EPB41L3: variants seen among roughly 807,000 people sequenced by gnomAD.
The protein encoded by EPB41L3 is erythrocyte membrane protein band 4.1 like 3.
A neutral mutation model predicts 127.1 loss-of-function variants in EPB41L3; 57 were observed. The ratio of observed to expected loss-of-function variants is 0.45; its 90% CI spans 0.36 to 0.56. EPB41L3 has a LOEUF of 0.56. EPB41L3 is among the 20% of genes least tolerant of loss of function. The pLI is 0.00. For missense variants in EPB41L3, 1,273 were observed against 1,372.2 expected (o/e 0.93, Z 1.14); for synonymous variants, 572 against 549.5 (o/e 1.04, Z -0.57).
At chr18:5,536,736 TGGGAGGCTCACTTGAACCC>T (rs1453635709) in intron 1 of EPB41L3, among the ~76,000 whole-genome samples, 4 of 151,682 alleles carry the variant, frequency 2.6e-5, no homozygotes, top group East Asian at 3.9e-4. Context: ...CGCTTGAACC[TGGGAGGCTCACTTGAACCC>T]GGGAGGCAGA....
intron 3 of EPB41L3, among the ~76,000 whole-genome samples, chr18:5,470,287 C>G (rs2085873985): frequency 6.6e-6 from 1 of 152,194 alleles, no homozygotes; most frequent in African/African-American, 2.4e-5. Context: ...GACAATCTCA[C>G]ACATAAGCTC....
rs776994193 is a variant in EPB41L3 at position 5,419,784 on chromosome 18, C to T, written c.1433G>A (p.Arg478Gln). The T allele has an allele frequency of 1.8e-5, 29 of 1,614,058 alleles. No homozygotes were observed. The highest frequency in any genetic ancestry group is 1.6e-4 in the Middle Eastern group (1 of 6,084). ...VTPEKKAEEE[R>Q]DEEEDKRRKG... ...CCTCCGTTTGTCCTCTTCCTCGTCC[C>T]GCTCCTCCTCAGCCTTCTTCTCCGG... Residue 478 changes from arginine to glutamine, a missense_variant, in exon 12 of 23, where the codon CGG (arginine) becomes CAG (glutamine). Physicochemically the swap from Arg to Gln is conservative, Grantham distance 43. Coordinates refer to ENST00000341928, the MANE Select transcript of EPB41L3 (RefSeq NM_012307.5).
chr18:5,510,020 C>G (rs1436173660), intron 1 of EPB41L3, among the ~76,000 whole-genome samples: 2 of 152,320 alleles, frequency 1.3e-5, no homozygotes, highest in Admixed American at 1.3e-4. Flanking sequence ...TCAGGGAAAG[C>G]TGGTATTGCA....
intron 3 of EPB41L3, among the ~76,000 whole-genome samples, chr18:5,454,839 T>A (rs1051218001): frequency 2.6e-5 from 4 of 152,216 alleles, no homozygotes; most frequent in African/African-American, 9.7e-5. Flanking sequence ...AATTTCCAGG[T>A]CTAAATTATC....
At chr18:5,520,848 C>A (rs1306155171) in intron 1 of EPB41L3, among the ~76,000 whole-genome samples, 2 of 152,136 alleles carry the variant, frequency 1.3e-5, no homozygotes, top group East Asian at 3.9e-4. Context: ...TTCCAAAGGG[C>A]CTTTCAGTTT....
At chr18:5,597,608 T>C (rs2094549546) in intron 3 of EPB41L3, among the ~76,000 whole-genome samples, 1 of 152,166 alleles carries the variant, frequency 6.6e-6, no homozygotes, top group Admixed American at 6.6e-5. Flanking sequence ...CCCACCTTTG[T>C]TCTATTTTGT....
intron 2 of EPB41L3, among the ~76,000 whole-genome samples, chr18:5,486,066 T>A (rs1319970365): frequency 6.6e-6 from 1 of 151,796 alleles, no homozygotes; most frequent in East Asian, 1.9e-4. Flanking sequence ...AAGCTGGAGG[T>A]ATCATACTAC....
intron 1 of EPB41L3, among the ~76,000 whole-genome samples, chr18:5,494,717 G>A (rs984184695): frequency 1.1e-4 from 16 of 144,626 alleles, no homozygotes; most frequent in Admixed American, 7.4e-5. Context: ...AAAGTTCTAG[G>A]CAGAGGATTC....
At chr18:5,441,528 C>CG (rs2080746601) in intron 5 of EPB41L3, among the ~76,000 whole-genome samples, 1 of 150,420 alleles carries the variant, frequency 6.6e-6, no homozygotes, top group Admixed American at 6.6e-5. Flanking sequence ...CGCAGTGGCG[C>CG]GATCTCGACT....
intron 9 of EPB41L3, among the ~76,000 whole-genome samples, chr18:5,426,507 T>C (rs2078207106): frequency 6.6e-6 from 1 of 152,234 alleles, no homozygotes; most frequent in South Asian, 2.1e-4. Flanking sequence ...TATCACATCA[T>C]GTTTCTAAGT....
At chr18:5,628,203 T>G (rs1002346097) in intron 1 of EPB41L3, among the ~76,000 whole-genome samples, 1 of 152,244 alleles carries the variant, frequency 6.6e-6, no homozygotes, top group Non-Finnish European at 1.5e-5. Flanking sequence ...AGATCCCACA[T>G]AGACCCTGCT....
intron 3 of EPB41L3, among the ~76,000 whole-genome samples, chr18:5,574,240 A>G (rs965591724): frequency 6.6e-6 from 1 of 151,700 alleles, no homozygotes; most frequent in African/African-American, 2.4e-5. Flanking sequence ...TTACAGTCAG[A>G]TTTTTTTCTT....
chr18:5,625,428 A>G (rs1346161928), intron 1 of EPB41L3, among the ~76,000 whole-genome samples: 1 of 152,088 alleles, frequency 6.6e-6, no homozygotes, highest in Non-Finnish European at 1.5e-5. Flanking sequence ...AGAAAGGTGT[A>G]AAAAAATGAA....
chr18:5,592,969 C>A (rs1480145253), intron 3 of EPB41L3, among the ~76,000 whole-genome samples: 1 of 152,164 alleles, frequency 6.6e-6, no homozygotes, highest in Non-Finnish European at 1.5e-5. Context: ...ACATCACTGC[C>A]CGAACATGAC....
intron 5 of EPB41L3, 134 bp from the exon 6 acceptor site, chr18:5,438,244 T>C (rs1411773982): frequency 6.0e-6 from 4 of 667,486 alleles, no homozygotes; most frequent in Non-Finnish European, 1.0e-5. Flanking sequence ...TGGGAAACCT[T>C]GGTCACATGA....
At chr18:5,625,480 T>C (rs2094913174) in intron 1 of EPB41L3, among the ~76,000 whole-genome samples, 1 of 152,154 alleles carries the variant, frequency 6.6e-6, no homozygotes, top group African/African-American at 2.4e-5. Flanking sequence ...ATGGTGGTCC[T>C]ACGGTAAGGG....
chr18:5,427,809 G>A (rs989686866), intron 9 of EPB41L3, among the ~76,000 whole-genome samples: 8 of 151,766 alleles, frequency 5.3e-5, no homozygotes, highest in Middle Eastern at 3.2e-3. Context: ...GCAGTGGCAC[G>A]ATCTCGGCTC....
intron 11 of EPB41L3, 33 bp downstream of exon 11, chr18:5,423,344 AC>A (rs1568098707): frequency 6.4e-7 from 1 of 1,570,342 alleles, no homozygotes; most frequent in Admixed American, 1.8e-5. Context: ...TGGGGTAGGT[AC>A]TAGGTTATTA....
intron 1 of EPB41L3, 43 bp from the exon 2 acceptor site, chr18:5,489,237 T>C (rs2094398455): frequency 1.3e-6 from 2 of 1,552,726 alleles, no homozygotes; most frequent in South Asian, 1.2e-5. Flanking sequence ...TCCGTGCCAC[T>C]ACCTTCCCTC....
Sources: allele counts gnomAD v4.1 joint callset (sites outside exome capture counted in the v4.1 genomes callset), GRCh38; gene constraint gnomAD v4.1.1; transcripts MANE v1.5; gene names NCBI Gene and HGNC (gene_info 2026-07-23, HGNC 2026-07-21).